The following FER variants were observed in gnomAD, a reference collection of about 807,000 sequenced individuals.
The protein encoded by FER is tyrosine-protein kinase Fer.
FER carries 63 observed loss-of-function variants against 111.0 expected under a neutral mutation model. That is an observed-to-expected ratio of 0.57 (90% CI 0.46 to 0.70). The LOEUF is 0.70. Among genes scored for constraint, FER ranks in the 30% least tolerant of loss-of-function variants. The pLI is 0.00. For synonymous variants in FER, 327 were observed against 313.9 expected, an observed-to-expected ratio of 1.04 and a Z score of -0.44; for missense variants, 914 against 954.0, an observed-to-expected ratio of 0.96 and a Z score of 0.55.
At chr5:108,968,400 A>G (rs1013591278) in intron 13 of FER, among the ~76,000 whole-genome samples, 1 of 152,138 alleles carries the variant, frequency 6.6e-6, no homozygotes, top group Non-Finnish European at 1.5e-5. Context: ...AAAAAAAGAA[A>G]AAAAATTACC....
At chr5:108,785,406 A>G (rs1160894680) in intron 2 of FER, 3 of 588,806 alleles carry the variant, frequency 5.1e-6, no homozygotes, top group Non-Finnish European at 6.8e-6. Flanking sequence ...ATCATCGTAG[A>G]TGAACTGAAG....
intron 16 of FER, among the ~76,000 whole-genome samples, chr5:109,096,478 G>T (rs1747526815): frequency 6.6e-6 from 1 of 151,868 alleles, no homozygotes; most frequent in Admixed American, 6.6e-5. Flanking sequence ...CCAATGGCTA[G>T]TATCTTCACT....
intron 17 of FER, among the ~76,000 whole-genome samples, chr5:109,169,682 T>G (rs1182937666): frequency 3.3e-5 from 5 of 152,202 alleles, no homozygotes; most frequent in Non-Finnish European, 5.9e-5. Flanking sequence ...TTCCCCTTTG[T>G]ATGTTGGGAC....
chr5:109,117,581 C>G (rs1010464044), intron 17 of FER, among the ~76,000 whole-genome samples: 1 of 152,114 alleles, frequency 6.6e-6, no homozygotes, highest in African/African-American at 2.4e-5. Flanking sequence ...GGCATTGAAT[C>G]TATAAATTAC....
At chr5:109,102,803 A>G (rs980478020) in intron 17 of FER, among the ~76,000 whole-genome samples, 1 of 151,974 alleles carries the variant, frequency 6.6e-6, no homozygotes, top group African/African-American at 2.4e-5. Context: ...TTTTCATTTT[A>G]GTACTTCACC....
chr5:108,959,160 C>A, intron 12 of FER, 65 bp from the exon 13 acceptor site: 1 of 1,511,370 alleles, frequency 6.6e-7, no homozygotes, highest in South Asian at 1.3e-5. Context: ...TCTAATTTAT[C>A]AATGAATGTA....
At chr5:108,858,395 T>G (rs1019191582) in intron 5 of FER, among the ~76,000 whole-genome samples, 2 of 152,210 alleles carry the variant, frequency 1.3e-5, no homozygotes, top group Admixed American at 6.5e-5. Context: ...TTTTTTGTCT[T>G]TAGCTTTCTA....
chr5:109,045,814 G>A (rs188970824), intron 15 of FER, among the ~76,000 whole-genome samples: 1 of 152,314 alleles, frequency 6.6e-6, no homozygotes, highest in Admixed American at 6.5e-5. Flanking sequence ...TGGTTCATAT[G>A]TGCAAATCCA....
intron 3 of FER, chr5:108,820,212 G>A (rs1263463725): frequency 3.0e-6 from 3 of 985,226 alleles, no homozygotes; most frequent in South Asian, 4.7e-5. Flanking sequence ...TTCTCTGGAC[G>A]TGAGCTATAA....
chr5:109,157,726 A>G (rs548971773), intron 17 of FER, among the ~76,000 whole-genome samples: 1 of 152,270 alleles, frequency 6.6e-6, no homozygotes, highest in East Asian at 1.9e-4. Context: ...AACTTCTCTG[A>G]TACAAATTTA....
intron 5 of FER, 63 bp from the exon 6 acceptor site, chr5:108,867,704 A>G: frequency 6.9e-7 from 1 of 1,444,938 alleles, no homozygotes; most frequent in Non-Finnish European, 9.5e-7. Flanking sequence ...GTTTGTATGT[A>G]GTGAAGATAC....
intron 16 of FER, among the ~76,000 whole-genome samples, chr5:109,053,699 T>TTA: frequency 6.7e-6 from 1 of 148,622 alleles, no homozygotes; most frequent in African/African-American, 2.5e-5. Flanking sequence ...CTATTTTTTT[T>TTA]TTTTTTTTTT....
intron 1 of FER, among the ~76,000 whole-genome samples, chr5:108,761,582 A>T (rs749094976): frequency 6.6e-6 from 1 of 152,230 alleles, no homozygotes; most frequent in Non-Finnish European, 1.5e-5. Context: ...GAAATATTGT[A>T]AGAATCACCA....
intron 5 of FER, among the ~76,000 whole-genome samples, chr5:108,853,924 GGAGACA>G (rs1013341272): frequency 2.0e-5 from 3 of 152,190 alleles, no homozygotes; most frequent in Non-Finnish European, 4.4e-5. Flanking sequence ...GCAGAAGTAA[GGAGACA>G]GTTACTTCCA....
chr5:109,086,977 T>C (rs1228952468), intron 16 of FER, among the ~76,000 whole-genome samples: 1 of 148,422 alleles, frequency 6.7e-6, no homozygotes, highest in Non-Finnish European at 1.5e-5. Flanking sequence ...CCTCCTCTTA[T>C]AAGGATACCA....
In FER at chr5:109,189,730, T is replaced by C. The variant is rs945667353; in HGVS notation, c.*2155T>C. On this transcript the variant is annotated 3_prime_UTR_variant, in exon 20 of 20. Coordinates refer to ENST00000281092, the MANE Select transcript of FER (RefSeq NM_005246.4). The stretch of plus-strand genomic sequence containing the variant: ...AAGAAAACAGCCTCCCATCTCATAG[T>C]GGCTTCATGCTAAGCTCTCAGCAAG... 3 of 152,164 alleles carry C rather than the reference T, an allele frequency of 2.0e-5. No homozygotes were observed. Among genetic ancestry groups the C allele is most frequent in the African/African-American group, 7.2e-5 (3 of 41,440 alleles). The allele number at this position is 152,164 out of a possible 1,614,324, so 9.4% of individuals were successfully genotyped here.
chr5:108,840,210 T>C (rs1009068885), intron 5 of FER, among the ~76,000 whole-genome samples: 3 of 152,186 alleles, frequency 2.0e-5, no homozygotes, highest in Non-Finnish European at 4.4e-5. Context: ...ACAATGCAAT[T>C]ATCATTTCTA....
chr5:109,103,805 A>C (rs1321739976), intron 17 of FER, among the ~76,000 whole-genome samples: 1 of 152,204 alleles, frequency 6.6e-6, no homozygotes, highest in Non-Finnish European at 1.5e-5. Context: ...TTTGAAGTTA[A>C]GGGGAGTCAG....
intron 10 of FER, among the ~76,000 whole-genome samples, chr5:108,912,891 G>C (rs942429293): frequency 2.0e-5 from 3 of 152,164 alleles, no homozygotes; most frequent in African/African-American, 7.2e-5. Flanking sequence ...ATTCTGACTG[G>C]TAAGTTCCAA....
Sources: allele counts gnomAD v4.1 joint callset (sites outside exome capture counted in the v4.1 genomes callset), GRCh38; gene constraint gnomAD v4.1.1; transcripts MANE v1.5; gene names NCBI Gene and HGNC (gene_info 2026-07-23, HGNC 2026-07-21).